The following PCDHA7 variants were observed in gnomAD, a reference collection of about 807,000 sequenced individuals.
PCDHA7 encodes protocadherin alpha-7.
PCDHA7 carries 37 observed loss-of-function variants against 57.2 expected under a neutral mutation model. The ratio of observed to expected loss-of-function variants is 0.65; its 90% CI spans 0.50 to 0.85. The LOEUF (loss-of-function observed/expected upper bound fraction) is 0.85, where lower values mean the gene tolerates loss of function less well. Among genes scored for constraint, PCDHA7 ranks in the 40% least tolerant of loss-of-function variants. PCDHA7 has a pLI of 0.00. For synonymous variants in PCDHA7, 553 were observed against 558.8 expected, an observed-to-expected ratio of 0.99 and a Z score of 0.15; for missense variants, 1,188 against 1,241.8, an observed-to-expected ratio of 0.96 and a Z score of 0.65.
intron 1 of PCDHA7, 140 bp downstream of exon 1, chr5:140,836,878 A>G: frequency 1.5e-6 from 1 of 681,278 alleles, no homozygotes; most frequent in Non-Finnish European, 2.4e-6. Context: ...CTGTATTTGC[A>G]CTAATTATTT....
rs2150221167 is a variant in PCDHA7 at position 140,834,565 on chromosome 5, C to G, written c.182C>G (p.Pro61Arg). The change falls in exon 1 of 4, where the codon CCG becomes CGG. Residue 61 changes from proline (P) to arginine (R), a missense_variant. By Grantham distance (103) the Pro-to-Arg change is moderately radical (BLOSUM62 -2). This residue lies in a region of PCDHA7 where 194 missense variants were observed against 185.8 expected (regional missense o/e 1.04). Coordinates refer to ENST00000525929, the MANE Select transcript of PCDHA7 (RefSeq NM_018910.3). ...DLGLELAELV[P>R]RLFRAVCKFR... Reference sequence around the variant, plus strand: ...GGGCTGGAGCTGGCGGAGCTGGTGCCGCGCCTGTTCCGGGCGGTGTGCAAA... The same window carrying G: ...GGGCTGGAGCTGGCGGAGCTGGTGCGGCGCCTGTTCCGGGCGGTGTGCAAA... 2.5e-6 allele frequency: 4 copies of G among 1,613,968 alleles called. No individual in the cohort carries two copies. The highest frequency in any genetic ancestry group is 3.3e-5 in the Admixed American group (2 of 59,984).
chr5:140,927,813 G>A, intron 1 of PCDHA7: 1 of 1,614,176 alleles, frequency 6.2e-7, no homozygotes, highest in Non-Finnish European at 8.5e-7. Context: ...CGCTCTTGGA[G>A]GCATACATTG....
chr5:140,938,176 G>A (rs1554212021), intron 1 of PCDHA7, among the ~76,000 whole-genome samples: 1 of 152,088 alleles, frequency 6.6e-6, no homozygotes, highest in Non-Finnish European at 1.5e-5. Flanking sequence ...GAGCTCCTGG[G>A]CTCAAGCAAT....
At chr5:140,844,014 G>A (rs2150368262) in intron 1 of PCDHA7, among the ~76,000 whole-genome samples, 4 of 149,646 alleles carry the variant, frequency 2.7e-5, no homozygotes, top group Admixed American at 2.0e-4. Context: ...CTCTAAGGAC[G>A]TTCAGGGCAT....
At chr5:140,895,660 A>G (rs2065094898) in intron 1 of PCDHA7, among the ~76,000 whole-genome samples, 6 of 152,160 alleles carry the variant, frequency 3.9e-5, no homozygotes, top group Admixed American at 3.9e-4. Context: ...CTTATAAGTG[A>G]GAACATGTAG....
chr5:140,848,397 A>C, intron 1 of PCDHA7: 2 of 1,283,802 alleles, frequency 1.6e-6, no homozygotes, highest in Non-Finnish European at 2.2e-6. Flanking sequence ...CTCTGTGCTG[A>C]ACGATGGCGA....
intron 1 of PCDHA7, among the ~76,000 whole-genome samples, chr5:140,938,453 G>A (rs558258483): frequency 6.6e-6 from 1 of 151,990 alleles, no homozygotes; most frequent in African/African-American, 2.4e-5. Context: ...AGTTCCCTTT[G>A]TTTTTTAATT....
Position 140,943,173 on chromosome 5 carries a change from G to A in PCDHA7, c.2356-35776G>A, listed in dbSNP as rs143950290. On this transcript the variant is annotated intron_variant, in intron 1 of 3. Coordinates refer to ENST00000525929, the MANE Select transcript of PCDHA7 (RefSeq NM_018910.3). ...CTCTGGAGGCTGAGGCAGGAAAATC[G>A]CTTGAACCCTGGAGGTGGAGGCTGC... is the stretch of plus-strand genomic sequence containing the variant. Among the ~76,000 whole-genome samples the A allele has an allele frequency of 5.6e-3, 834 of 148,712 alleles. 7 individuals are homozygous for A. Among genetic ancestry groups the A allele is most frequent in the African/African-American group, 0.019 (751 of 40,052 alleles).
At position 140,905,827 on chromosome 5, in the gene PCDHA7, A is replaced by T. The variant is rs140988076; in HGVS notation, c.2355+69089A>T. 2.2e-3 allele frequency among the ~76,000 whole-genome samples: 329 copies of T among 152,298 alleles called. 1 individual carries two copies. The highest frequency in any genetic ancestry group is 7.5e-3 in the African/African-American group (311 of 41,554). The stretch of plus-strand genomic sequence containing the variant: ...CAGAATTAATAGGCTAGATGTGTAT[A>T]TAAAGGGGAGTTTATTAAGGAGTAT... On this transcript the variant is annotated intron_variant, in intron 1 of 3. Coordinates refer to ENST00000525929, the MANE Select transcript of PCDHA7 (RefSeq NM_018910.3).
intron 1 of PCDHA7, chr5:140,853,078 AC>A (rs1285082508): frequency 6.7e-6 from 2 of 297,432 alleles, no homozygotes; most frequent in African/African-American, 4.6e-5. Context: ...ATGGGGTTTC[AC>A]CGTGTTAGTC....
intron 1 of PCDHA7, chr5:140,928,749 T>A: frequency 1.2e-6 from 2 of 1,614,194 alleles, no homozygotes; most frequent in Non-Finnish European, 1.7e-6. Flanking sequence ...GTGAGCTCCG[T>A]ACTGCTCGCT....
intron 1 of PCDHA7, among the ~76,000 whole-genome samples, chr5:140,971,368 G>A (rs1433220574): frequency 1.3e-5 from 2 of 152,186 alleles, no homozygotes; most frequent in Non-Finnish European, 2.9e-5. Context: ...TGCCAGGAGA[G>A]TGCATGACTT....
rs782362205 is a variant in PCDHA7 at position 141,009,960 on chromosome 5, A to G, written c.*23A>G. The G allele has an allele frequency of 6.3e-7, 1 of 1,589,232 alleles. No homozygotes were observed. The highest frequency in any genetic ancestry group is 2.2e-5 in the East Asian group (1 of 44,694). On this transcript the variant is annotated 3_prime_UTR_variant, in exon 4 of 4. Transcript: ENST00000525929. The stretch of plus-strand genomic sequence containing the variant: ...TGAGGTCCTCAAATGGAAACAAGCC[A>G]CTTAGCCAGTTTTTGTAATAATGGC...
chr5:140,843,844 A>G lies in PCDHA7; in HGVS notation c.2355+7106A>G, dbSNP rs2150367130. Reference sequence around the variant, plus strand: ...TTTAAACATTGTTTAGTTTTTAGAAACCTTTTATAATTAATTGAATTTTCT... The same window carrying G: ...TTTAAACATTGTTTAGTTTTTAGAAGCCTTTTATAATTAATTGAATTTTCT... On this transcript the variant is annotated intron_variant, in intron 1 of 3. Coordinates refer to ENST00000525929, the MANE Select transcript of PCDHA7 (RefSeq NM_018910.3). 3.0e-6 allele frequency: 3 copies of G among 1,001,290 alleles called. No individual in the cohort carries two copies. The East Asian group carries it at 7.5e-5, about 25-fold the overall frequency. 62.0% of individuals were successfully genotyped at this position (1,001,290 alleles called of 1,614,324 possible). A position where few individuals can be genotyped will look rare whatever the true frequency, so the allele number is the denominator to read the frequency against.
At chr5:140,936,972 T>C (rs2091238144) in intron 1 of PCDHA7, among the ~76,000 whole-genome samples, 2 of 152,314 alleles carry the variant, frequency 1.3e-5, no homozygotes, top group South Asian at 4.1e-4. Context: ...TATAAAAATA[T>C]GAAGCTTGTT....
intron 3 of PCDHA7, among the ~76,000 whole-genome samples, chr5:140,997,458 G>A (rs1167865060): frequency 5.3e-5 from 8 of 152,070 alleles, no homozygotes; most frequent in African/African-American, 1.7e-4. Flanking sequence ...ACTGAATACT[G>A]TAGGCAATTT....
chr5:140,884,439 C>G (rs1554181562), intron 1 of PCDHA7: 2 of 1,613,818 alleles, frequency 1.2e-6, no homozygotes, highest in East Asian at 2.2e-5. Context: ...CTGCGGTGCT[C>G]GGCACCGCCC....
At chr5:140,883,971 C>G in intron 1 of PCDHA7, 1 of 1,613,030 alleles carries the variant, frequency 6.2e-7, no homozygotes. Context: ...CTGCTGACGC[C>G]CGGGGCTGGC....
Position 140,965,675 on chromosome 5 carries a change from A to C in PCDHA7, c.2356-13274A>C, listed in dbSNP as rs1049081993. 1.3e-4 allele frequency among the ~76,000 whole-genome samples: 20 copies of C among 152,350 alleles called. No homozygotes were observed. The Middle Eastern group carries it at 0.01, about 78-fold the overall frequency. ...AAATGTCTTGGGTGATAAATGTAAA[A>C]GATTTGAAGCAAGATTAGAAAAAGC... On this transcript the variant is annotated intron_variant, in intron 1 of 3. Transcript: ENST00000525929.
Sources: allele counts gnomAD v4.1 joint callset (sites outside exome capture counted in the v4.1 genomes callset), GRCh38; gene constraint gnomAD v4.1.1; regional missense constraint gnomAD v4.1.1; transcripts MANE v1.5; gene names NCBI Gene and HGNC (gene_info 2026-07-23, HGNC 2026-07-21).